Variants in MIER1 observed in about 807,000 individuals in gnomAD.
MIER1 encodes the protein mesoderm induction early response protein 1.
Under a neutral mutation model 75.7 loss-of-function variants are expected in MIER1, and 40 were observed. The ratio of observed to expected loss-of-function variants is 0.53; its 90% CI spans 0.41 to 0.69. MIER1 has a LOEUF of 0.69. Ranked by LOEUF, MIER1 falls within the 30% of genes least tolerant of loss-of-function variation. MIER1 has a pLI of 0.00. For synonymous variants in MIER1, 213 were observed against 223.4 expected (o/e 0.95, Z 0.42); for missense variants, 574 against 680.2 (o/e 0.84, Z 1.74).
intron 4 of MIER1, chr1:66,946,503 CAT>C (rs1387844911): frequency 3.2e-6 from 4 of 1,262,008 alleles, no homozygotes; most frequent in Non-Finnish European, 4.0e-6. Context: ...ACAGAATTCA[CAT>C]AGTTACTTTG....
rs1173616738 is a variant in MIER1, at chr1:66,986,133, G to GA, written c.*1236dup. 13 of 1,138,434 alleles carry GA rather than the reference G, an allele frequency of 1.1e-5. 1 individual carries two copies. The Admixed American group carries it at 6.1e-4, about 53-fold the overall frequency. The allele number at this position is 1,138,434 out of a possible 1,614,324, so 70.5% of individuals were successfully genotyped here. On this transcript the variant is annotated 3_prime_UTR_variant, in exon 14 of 14. Transcript: ENST00000401041. ...GCAGGCAGTATCGATTTTATGAAGA[G>GA]AAAGTGAAGTTTGAAAACTTTTCAA...
At chr1:66,939,571 T>G (rs1655687523) in intron 2 of MIER1, among the ~76,000 whole-genome samples, 1 of 152,132 alleles carries the variant, frequency 6.6e-6, no homozygotes, top group Non-Finnish European at 1.5e-5. Flanking sequence ...ACAACTTAAT[T>G]TTTATTTGAG....
At position 66,938,062 on chromosome 1, in the gene MIER1, C is replaced by T. The variant is rs536281354; in HGVS notation, c.169-1966C>T. On this transcript the variant is annotated intron_variant, in intron 2 of 13. Coordinates refer to ENST00000401041, the MANE Select transcript of MIER1 (RefSeq NM_001077700.3). Reference sequence around the variant, plus strand: ...TTACCTTTGAACACTGGGTGTTCTACTCTGTATCAGCTATGCTTACAAATG... The same window carrying T: ...TTACCTTTGAACACTGGGTGTTCTATTCTGTATCAGCTATGCTTACAAATG... Among the ~76,000 whole-genome samples the T allele has an allele frequency of 2.0e-5, 3 of 152,268 alleles. No homozygotes were observed. In the East Asian group the frequency reaches 5.8e-4, roughly 29 times the overall value.
rs1666760511 is a variant in MIER1, at chr1:66,986,210, T to C, written c.*1310T>C. On this transcript the variant is annotated 3_prime_UTR_variant, in exon 14 of 14. Transcript: ENST00000401041. ...CAGATTTGATAATGCTTTTCCAAAG[T>C]GAAAATAAGATACACAATAATCATT... The C allele has an allele frequency of 8.0e-7, 1 of 1,256,050 alleles. No homozygotes were observed. Among genetic ancestry groups the C allele is most frequent in the African/African-American group, 1.5e-5 (1 of 64,580 alleles). The allele number at this position is 1,256,050 out of a possible 1,614,324, so 77.8% of individuals were successfully genotyped here. A position where few individuals can be genotyped will look rare whatever the true frequency, so the allele number is the denominator to read the frequency against.
intron 3 of MIER1, among the ~76,000 whole-genome samples, chr1:66,945,355 T>C (rs1460541153): frequency 1.4e-5 from 2 of 148,108 alleles, no homozygotes; most frequent in Non-Finnish European, 3.0e-5. Context: ...TAAATAGTTA[T>C]ACTGTGTTGT....
rs1037167242 is a variant in MIER1, at chr1:66,986,007, T to A, written c.*1107T>A. The A allele has an allele frequency of 2.0e-6, 2 of 990,744 alleles. No homozygotes were observed. The highest frequency in any genetic ancestry group is 2.4e-6 in the Non-Finnish European group (2 of 833,330). The allele number at this position is 990,744 out of a possible 1,614,324, so 61.4% of individuals were successfully genotyped here. A position where few individuals can be genotyped will look rare whatever the true frequency, so the allele number is the denominator to read the frequency against. On this transcript the variant is annotated 3_prime_UTR_variant, in exon 14 of 14. Transcript: ENST00000401041. ...TATCATGCTGACCAGAATCCTGTTA[T>A]TTTTATATGCATCATAAAATTTCCC...
At chr1:66,929,020 G>T (rs1339262164) in intron 2 of MIER1, 2 of 1,051,062 alleles carry the variant, frequency 1.9e-6, no homozygotes. Context: ...GTTTATTCAT[G>T]CACAGATTAT....
At position 66,985,837 on chromosome 1, in the gene MIER1, T is replaced by TTA; in HGVS notation, c.*937_*938insTA. ...AAATTTTTTTTTTTTTTTTTTTTTT[T>TTA]AAATTTCTACTTAAGGGCAAGTAAT... is the stretch of plus-strand genomic sequence containing the variant. On this transcript the variant is annotated 3_prime_UTR_variant, in exon 14 of 14. Coordinates refer to ENST00000401041, the MANE Select transcript of MIER1 (RefSeq NM_001077700.3). 1 of 630,290 alleles carries TTA rather than the reference T, an allele frequency of 1.6e-6. No homozygotes were observed. Among genetic ancestry groups the TTA allele is most frequent in the Non-Finnish European group, 1.9e-6 (1 of 522,584 alleles). 39.0% of individuals were successfully genotyped at this position (630,290 alleles called of 1,614,324 possible).
At chr1:66,977,213 G>A (rs565933810) in intron 12 of MIER1, among the ~76,000 whole-genome samples, 10 of 151,958 alleles carry the variant, frequency 6.6e-5, no homozygotes, top group African/African-American at 2.2e-4. Flanking sequence ...GGCTTCAAGC[G>A]ATTGTCCTGC....
chr1:66,982,459 A>G (rs1192849507), intron 13 of MIER1, among the ~76,000 whole-genome samples: 1 of 152,212 alleles, frequency 6.6e-6, no homozygotes, highest in Non-Finnish European at 1.5e-5. Context: ...AGGCATACCA[A>G]TTGTTTGAGG....
intron 8 of MIER1, among the ~76,000 whole-genome samples, chr1:66,964,474 TAG>T (rs1661956165): frequency 2.4e-5 from 3 of 127,402 alleles, no homozygotes; most frequent in Non-Finnish European, 3.4e-5. Context: ...TTTTTTGAGA[TAG>T]AGTTTTGCTC....
rs577273846 is a variant in MIER1 at position 66,977,203 on chromosome 1, G to A, written c.1229+481G>A. On this transcript the variant is annotated intron_variant, in intron 12 of 13. Transcript: ENST00000401041. ...CAGCTCCCTGCAGCCTCCGTCTCCC[G>A]GCTTCAAGCGATTGTCCTGCCTCAG... Among the ~76,000 whole-genome samples, 743 of 151,728 alleles carry A rather than the reference G, an allele frequency of 4.9e-3. 1 individual carries two copies. The highest frequency in any genetic ancestry group is 6.8e-3 in the Non-Finnish European group (463 of 67,944).
Position 66,958,904 on chromosome 1 carries a change from T to C in MIER1, c.555T>C (p.Asn185=). Residue 185 remains asparagine, a synonymous_variant, in exon 6 of 14, where the codon AAT becomes AAC. Coordinates refer to ENST00000401041, the MANE Select transcript of MIER1 (RefSeq NM_001077700.3). ...AGGAGGATGAAACTCAGTCTTCCAA[T>C]GATGATCCATCACAATCTGTTGCTT... ...SGQEDETQSS[N]DDPSQSVASQ... is the part of the protein sequence containing the mutation. 1 of 1,611,736 alleles carries C rather than the reference T, an allele frequency of 6.2e-7. No individual in the cohort carries two copies. The highest frequency in any genetic ancestry group is 8.5e-7 in the Non-Finnish European group (1 of 1,178,058).
intron 4 of MIER1, among the ~76,000 whole-genome samples, chr1:66,957,068 C>T (rs968589807): frequency 1.2e-4 from 18 of 152,046 alleles, no homozygotes; most frequent in Non-Finnish European, 1.0e-4. Flanking sequence ...GACTGTTTTG[C>T]TTCAGACCAT....
intron 11 of MIER1, among the ~76,000 whole-genome samples, chr1:66,974,961 C>T (rs1472615220): frequency 2.0e-5 from 3 of 152,080 alleles, no homozygotes; most frequent in African/African-American, 7.2e-5. Context: ...TCGAATCTAT[C>T]TAGAAATAAG....
chr1:66,944,034 G>A (rs1393588374), intron 3 of MIER1, among the ~76,000 whole-genome samples: 2 of 150,734 alleles, frequency 1.3e-5, no homozygotes, highest in African/African-American at 2.4e-5. Context: ...TACCTACTTC[G>A]TAGGATTATT....
At chr1:66,972,116 A>C (rs1398922895) in intron 10 of MIER1, among the ~76,000 whole-genome samples, 1 of 151,270 alleles carries the variant, frequency 6.6e-6, no homozygotes, top group African/African-American at 2.4e-5. Context: ...TAACTTGGCG[A>C]AAGCAAACAT....
At position 66,986,156 on chromosome 1, in the gene MIER1, CAAACTTTTCT is replaced by C. The variant is rs773354502; in HGVS notation, c.*1258_*1267del. ...GAGAAAGTGAAGTTTGAAAACTTTT[CAAACTTTTCT>C]AGTTACAATCCAATTTTTCAGATTT... On this transcript the variant is annotated 3_prime_UTR_variant, in exon 14 of 14. Coordinates refer to ENST00000401041, the MANE Select transcript of MIER1 (RefSeq NM_001077700.3). 4.7e-5 allele frequency: 56 copies of C among 1,186,434 alleles called. No individual in the cohort carries two copies. The highest frequency in any genetic ancestry group is 5.7e-5 in the Non-Finnish European group (55 of 959,470). 73.5% of individuals were successfully genotyped at this position (1,186,434 alleles called of 1,614,324 possible).
At position 66,981,836 on chromosome 1, in the gene MIER1, A is replaced by G. The variant is rs148083192; in HGVS notation, c.1287A>G (p.Pro429=). ...ESESAASSRA[P]SPPPTASNSS... ...AAAGTGCTGCATCTAGTCGAGCACC[A>G]TCCCCTCCCCCAACTGCATCAAACA... Residue 429 remains proline, a synonymous_variant, in exon 13 of 14, where the codon CCA becomes CCG. Transcript: ENST00000401041. 1.4e-5 allele frequency: 22 copies of G among 1,614,078 alleles called. No homozygotes were observed. The African/African-American group carries it at 2.8e-4, about 21-fold the overall frequency.
Sources: allele counts gnomAD v4.1 joint callset (sites outside exome capture counted in the v4.1 genomes callset), GRCh38; gene constraint gnomAD v4.1.1; transcripts MANE v1.5; gene names NCBI Gene and HGNC (gene_info 2026-07-23, HGNC 2026-07-21).